The following SUCLG2 variants were observed in gnomAD, a reference collection of about 807,000 sequenced individuals.
SUCLG2 encodes the protein succinate--CoA ligase [GDP-forming] subunit beta, mitochondrial.
In SUCLG2, 42 loss-of-function variants were observed where a neutral mutation model predicts 47.9. The observed-to-expected ratio is 0.88, with a 90% confidence interval of 0.69 to 1.14. The LOEUF is 1.14. Ranked by LOEUF, SUCLG2 falls within the 50% of genes most tolerant of loss-of-function variation. SUCLG2 has a pLI of 0.00. For synonymous variants in SUCLG2, 195 were observed against 197.3 expected (o/e 0.99, Z 0.10); for missense variants, 571 against 525.9 (o/e 1.09, Z -0.84).
chr3:67,369,106 G>A (rs1352943593), intron 10 of SUCLG2, among the ~76,000 whole-genome samples: 1 of 152,002 alleles, frequency 6.6e-6, no homozygotes, highest in Non-Finnish European at 1.5e-5. Context: ...CTTGAATATT[G>A]TTTTCCTCCT....
chr3:67,403,987 GT>G (rs1274710325), intron 9 of SUCLG2, among the ~76,000 whole-genome samples: 6 of 152,200 alleles, frequency 3.9e-5, no homozygotes, highest in Non-Finnish European at 8.8e-5. Context: ...CTGGGTTCAA[GT>G]GGTTCTCATA....
intron 9 of SUCLG2, among the ~76,000 whole-genome samples, chr3:67,428,509 G>A (rs1413115129): frequency 6.6e-6 from 1 of 152,184 alleles, no homozygotes; most frequent in South Asian, 2.1e-4. Context: ...GAGCAGAAAA[G>A]CTGAAAATTC....
intron 10 of SUCLG2, among the ~76,000 whole-genome samples, chr3:67,394,967 A>G (rs1431134637): frequency 1.3e-5 from 2 of 152,138 alleles, no homozygotes; most frequent in African/African-American, 4.8e-5. Context: ...CAGACAAGCA[A>G]ATGCTGAGAG....
chr3:67,430,366 A>G (rs990816736), intron 9 of SUCLG2, among the ~76,000 whole-genome samples: 10 of 152,192 alleles, frequency 6.6e-5, no homozygotes, highest in Non-Finnish European at 1.2e-4. Context: ...TACATAACAA[A>G]ATGAAGGCAG....
chr3:67,401,597 T>A (rs1213953855), intron 9 of SUCLG2, among the ~76,000 whole-genome samples: 1 of 139,684 alleles, frequency 7.2e-6, no homozygotes, highest in Non-Finnish European at 1.6e-5. Context: ...AAAAACAAAC[T>A]CTACTTGTCC....
chr3:67,575,979 G>A (rs1049145656), intron 2 of SUCLG2, among the ~76,000 whole-genome samples: 2 of 152,154 alleles, frequency 1.3e-5, no homozygotes, highest in African/African-American at 2.4e-5. Context: ...TTCTTGTCAC[G>A]TGAAATATAG....
intron 10 of SUCLG2, among the ~76,000 whole-genome samples, chr3:67,380,066 G>A (rs960102387): frequency 5.9e-5 from 9 of 152,228 alleles, no homozygotes; most frequent in Middle Eastern, 3.4e-3. Context: ...GAAGAGGAGT[G>A]GGCGGGTACT....
chr3:67,614,783 G>A (rs893125998), intron 1 of SUCLG2, among the ~76,000 whole-genome samples: 2 of 152,112 alleles, frequency 1.3e-5, no homozygotes, highest in East Asian at 3.9e-4. Context: ...TTTACAGTCA[G>A]GAACCTGGAG....
chr3:67,372,739 TTC>T (rs1469494056), downstream of SUCLG2, among the ~76,000 whole-genome samples: 2 of 152,204 alleles, frequency 1.3e-5, no homozygotes, highest in Non-Finnish European at 2.9e-5. Context: ...ACTTTTCCAT[TTC>T]TGTTTCACTT....
intron 9 of SUCLG2, among the ~76,000 whole-genome samples, chr3:67,423,218 G>C (rs148691575): frequency 0.011 from 1,661 of 152,174 alleles, 30 homozygotes; most frequent in African/African-American, 0.037. Flanking sequence ...TGATGGCTTT[G>C]TAAGTGTCTG....
chr3:67,609,345 C>G, intron 2 of SUCLG2, 110 bp downstream of exon 2: 1 of 1,294,788 alleles, frequency 7.7e-7, no homozygotes, highest in Non-Finnish European at 1.1e-6. Context: ...TCCCCTGTAT[C>G]TGTCCCTGTC....
intron 2 of SUCLG2, among the ~76,000 whole-genome samples, chr3:67,544,836 A>G (rs1328645991): frequency 2.0e-5 from 3 of 152,238 alleles, no homozygotes; most frequent in South Asian, 2.1e-4. Flanking sequence ...ATCCTGCACT[A>G]TAAATCATTC....
chr3:67,649,913 G>A (rs973504404), intron 1 of SUCLG2, among the ~76,000 whole-genome samples: 1 of 152,182 alleles, frequency 6.6e-6, no homozygotes, highest in African/African-American at 2.4e-5. Flanking sequence ...CTTTGCGCCT[G>A]CAGAACTAGA....
At chr3:67,562,495 C>T (rs533033012) in intron 2 of SUCLG2, among the ~76,000 whole-genome samples, 2 of 152,294 alleles carry the variant, frequency 1.3e-5, no homozygotes, top group Admixed American at 1.3e-4. Flanking sequence ...CCAGGCTGGT[C>T]TCGAACTCCT....
At chr3:67,420,009 G>A (rs1025401393) in intron 9 of SUCLG2, among the ~76,000 whole-genome samples, 7 of 152,182 alleles carry the variant, frequency 4.6e-5, no homozygotes, top group African/African-American at 1.7e-4. Context: ...TAATTGGAAT[G>A]TACTAGGAAG....
chr3:67,521,279 C>CTTTT (rs1706094869), intron 4 of SUCLG2, among the ~76,000 whole-genome samples: 1 of 152,144 alleles, frequency 6.6e-6, no homozygotes, highest in Admixed American at 6.5e-5. Context: ...AGGGCAGATA[C>CTTTT]GAGCCTACCA....
Position 67,495,117 on chromosome 3 carries a change from T to C in SUCLG2, c.1062+681A>G, listed in dbSNP as rs560462843. Among the ~76,000 whole-genome samples, 61 of 152,328 alleles carry C rather than the reference T, an allele frequency of 4.0e-4. 3 individuals are homozygous for C. The highest frequency in any genetic ancestry group is 2.9e-3 in the South Asian group (14 of 4,824). ...CCTAAAATTTTCCAATATATGGTAA[T>C]ACCTTCAGCATCTTTATGGAAGGAA... On this transcript the variant is annotated intron_variant, in intron 9 of 10. Coordinates refer to ENST00000307227, the MANE Select transcript of SUCLG2 (RefSeq NM_003848.4).
At chr3:67,627,432 A>G (rs1575827734) in intron 1 of SUCLG2, among the ~76,000 whole-genome samples, 1 of 152,236 alleles carries the variant, frequency 6.6e-6, no homozygotes, top group Non-Finnish European at 1.5e-5. Context: ...AGATCTGAAC[A>G]GCATCTTTGG....
At chr3:67,609,808 C>T (rs1371978430) in intron 1 of SUCLG2, among the ~76,000 whole-genome samples, 1 of 152,064 alleles carries the variant, frequency 6.6e-6, no homozygotes, top group African/African-American at 2.4e-5. Flanking sequence ...CAAATGAATG[C>T]AGGTTTTTTA....
Sources: gnomAD v4.1 joint callset for allele counts (sites outside exome capture counted in the v4.1 genomes callset) on GRCh38, gnomAD v4.1.1 for gene constraint, MANE v1.5 for transcripts, NCBI Gene and HGNC (gene_info 2026-07-23, HGNC 2026-07-21) for gene names.